The following OR51B5 variants were observed in gnomAD, a reference collection of about 807,000 sequenced individuals.
The protein encoded by OR51B5 is olfactory receptor family 51 subfamily B member 5.
For missense variants in OR51B5, 456 were observed against 374.6 expected (o/e 1.22, Z -1.79); for synonymous variants, 186 against 144.8 (o/e 1.28, Z -2.04).
intron 1 of OR51B5, among the ~76,000 whole-genome samples, chr11:5,393,770 A>T (rs965543712): frequency 1.3e-5 from 2 of 152,190 alleles, no homozygotes; most frequent in Non-Finnish European, 2.9e-5. Context: ...AATGTTTTAA[A>T]ATTAGGAAAC....
intron 1 of OR51B5, among the ~76,000 whole-genome samples, chr11:5,368,131 C>A (rs1849399271): frequency 6.6e-6 from 1 of 152,194 alleles, no homozygotes; most frequent in Non-Finnish European, 1.5e-5. Context: ...AGATTTGTTG[C>A]ATCTTCAACC....
intron 1 of OR51B5, among the ~76,000 whole-genome samples, chr11:5,464,780 A>C (rs1851112032): frequency 6.6e-6 from 1 of 152,204 alleles, no homozygotes; most frequent in Non-Finnish European, 1.5e-5. Flanking sequence ...AGCAAGATTT[A>C]TATTCCTTTG....
chr11:5,406,090 T>C (rs760880403), intron 1 of OR51B5, among the ~76,000 whole-genome samples: 52 of 152,344 alleles, frequency 3.4e-4, no homozygotes, highest in Admixed American at 1.1e-3. Context: ...GACCAGATTG[T>C]TAAATGGCTT....
At chr11:5,440,775 A>T in intron 1 of OR51B5, 1 of 1,613,964 alleles carries the variant, frequency 6.2e-7, no homozygotes. Flanking sequence ...CACTGCACAG[A>T]TGTGTGACAT....
At chr11:5,361,434 C>A (rs976198082) in intron 1 of OR51B5, among the ~76,000 whole-genome samples, 2 of 152,040 alleles carry the variant, frequency 1.3e-5, no homozygotes, top group Non-Finnish European at 2.9e-5. Context: ...GTGTTGGATC[C>A]AATATCTTGA....
At chr11:5,495,645 T>C (rs2133817669) in intron 1 of OR51B5, among the ~76,000 whole-genome samples, 1 of 151,764 alleles carries the variant, frequency 6.6e-6, no homozygotes, top group East Asian at 1.9e-4. Context: ...AATCATCAAA[T>C]CAAAAAGGAA....
chr11:5,449,259 T>C (rs1160048065), intron 1 of OR51B5: 1 of 152,236 alleles, frequency 6.6e-6, no homozygotes, highest in African/African-American at 2.4e-5. Context: ...ATCACTGCCC[T>C]CTACCGCAGG....
At chr11:5,436,521 C>T (rs1372683175) in intron 1 of OR51B5, among the ~76,000 whole-genome samples, 5 of 152,196 alleles carry the variant, frequency 3.3e-5, no homozygotes, top group Non-Finnish European at 7.4e-5. Flanking sequence ...GGCAAGTTCT[C>T]AACCCCTGCT....
chr11:5,464,641 A>C (rs1029893990), intron 1 of OR51B5, among the ~76,000 whole-genome samples: 5 of 151,986 alleles, frequency 3.3e-5, no homozygotes, highest in African/African-American at 1.2e-4. Flanking sequence ...GCTGCATAGT[A>C]TTCCATGGTG....
In OR51B5 at chr11:5,374,333, C is replaced by T. The variant is rs191426759; in HGVS notation, n.85-27423G>A. On this transcript the variant is annotated intron_variant and non_coding_transcript_variant, in intron 1 of 4. Transcript: ENST00000415970. ...CATCCACACCAAAAACCCATCGGTA[C>T]ATCACTATCATCAAAGACCAAAAGT... Among the ~76,000 whole-genome samples, 562 of 152,164 alleles carry T rather than the reference C, an allele frequency of 3.7e-3. 7 individuals are homozygous for T. Among genetic ancestry groups the T allele is most frequent in the African/African-American group, 0.012 (508 of 41,480 alleles).
At chr11:5,475,934 C>T (rs897668887) in intron 1 of OR51B5, among the ~76,000 whole-genome samples, 1 of 152,192 alleles carries the variant, frequency 6.6e-6, no homozygotes, top group African/African-American at 2.4e-5. Context: ...CCATAGCAGC[C>T]TCACAGTACC....
At chr11:5,354,127 G>C (rs140476629) in intron 1 of OR51B5, among the ~76,000 whole-genome samples, 1,662 of 152,040 alleles carry the variant, frequency 0.011, 13 homozygotes, top group Middle Eastern at 0.027. Flanking sequence ...AAAATTTAAA[G>C]TGACCCATGT....
chr11:5,469,387 G>A (rs1184942090), intron 1 of OR51B5: 1 of 152,422 alleles, frequency 6.6e-6, no homozygotes, highest in East Asian at 1.9e-4. Context: ...GAGTGAAGCT[G>A]GTAGTACTTG....
intron 1 of OR51B5, among the ~76,000 whole-genome samples, chr11:5,498,695 T>C (rs1851683392): frequency 6.7e-6 from 1 of 149,846 alleles, no homozygotes; most frequent in African/African-American, 2.4e-5. Flanking sequence ...GATACACCCT[T>C]TACTTCTTAA....
At chr11:5,470,973 A>G (rs1375533738) in intron 1 of OR51B5, among the ~76,000 whole-genome samples, 1 of 152,226 alleles carries the variant, frequency 6.6e-6, no homozygotes, top group East Asian at 1.9e-4. Flanking sequence ...GGCTTCACTT[A>G]CCTTATGAAA....
chr11:5,480,078 C>G (rs1250649558), intron 1 of OR51B5, among the ~76,000 whole-genome samples: 6 of 151,966 alleles, frequency 3.9e-5, no homozygotes, highest in African/African-American at 1.5e-4. Context: ...AGCACCACAC[C>G]TATTCCAAAA....
chr11:5,416,621 T>G (rs1472924935), intron 1 of OR51B5, among the ~76,000 whole-genome samples: 1 of 149,500 alleles, frequency 6.7e-6, no homozygotes, highest in Non-Finnish European at 1.5e-5. Flanking sequence ...CAAGCATTCT[T>G]ATACACCAAT....
At chr11:5,342,292 T>C (rs1413310898), downstream of OR51B5, among the ~76,000 whole-genome samples, 1 of 152,226 alleles carries the variant, frequency 6.6e-6, no homozygotes, top group Non-Finnish European at 1.5e-5. Flanking sequence ...GAAATAAACA[T>C]ATGTTAGTTA....
chr11:5,453,521 C>A (rs1489266120), intron 1 of OR51B5: 4 of 1,580,176 alleles, frequency 2.5e-6, no homozygotes, highest in Non-Finnish European at 3.4e-6. Flanking sequence ...ACCCTGCATT[C>A]TTCCTCCTGA....
Sources: gnomAD v4.1 joint callset for allele counts (sites outside exome capture counted in the v4.1 genomes callset) on GRCh38, gnomAD v4.1.1 for gene constraint, MANE v1.5 for transcripts, NCBI Gene and HGNC (gene_info 2026-07-23, HGNC 2026-07-21) for gene names.